Variants in AUTS2 observed in about 807,000 individuals in gnomAD.
AUTS2 encodes the protein autism susceptibility gene 2 protein.
AUTS2 carries 17 observed loss-of-function variants against 112.4 expected under a neutral mutation model. The observed-to-expected ratio is 0.15, with a 90% CI of 0.10 to 0.23. The LOEUF (loss-of-function observed/expected upper bound fraction) is 0.23. AUTS2 is among the 10% of genes least tolerant of loss of function. AUTS2 has a pLI of 1.00. For synonymous variants in AUTS2, 751 were observed against 702.7 expected, an observed-to-expected ratio of 1.07 and a Z score of -1.09; for missense variants, 1,510 against 1,701.6, an observed-to-expected ratio of 0.89 and a Z score of 1.98.
At chr7:70,517,619 A>C (rs918640079) in intron 5 of AUTS2, among the ~76,000 whole-genome samples, 1 of 148,988 alleles carries the variant, frequency 6.7e-6, no homozygotes, top group Non-Finnish European at 1.5e-5. Context: ...AATATATATA[A>C]TGTATTATTA....
intron 7 of AUTS2, among the ~76,000 whole-genome samples, chr7:70,764,205 C>T (rs1016755570): frequency 1.3e-5 from 2 of 152,136 alleles, no homozygotes; most frequent in African/African-American, 4.8e-5. Flanking sequence ...TTTCCTCCTT[C>T]CCCAAGGAGC....
intron 2 of AUTS2, among the ~76,000 whole-genome samples, chr7:70,095,459 T>G (rs1026059030): frequency 1.3e-5 from 2 of 152,178 alleles, no homozygotes; most frequent in African/African-American, 2.4e-5. Flanking sequence ...CTTGTTATTT[T>G]GGAGACATTT....
chr7:70,047,273 A>G (rs1223795246), intron 2 of AUTS2, among the ~76,000 whole-genome samples: 3 of 152,194 alleles, frequency 2.0e-5, no homozygotes, highest in East Asian at 3.8e-4. Context: ...CTTGGCTTTT[A>G]AAAGTTATTC....
intron 3 of AUTS2, among the ~76,000 whole-genome samples, chr7:70,127,660 G>A (rs1806050171): frequency 6.6e-6 from 1 of 152,138 alleles, no homozygotes; most frequent in Admixed American, 6.5e-5. Flanking sequence ...CCTTTCAAGG[G>A]TTCAGATCGT....
At chr7:70,700,518 C>T (rs936081811) in intron 6 of AUTS2, among the ~76,000 whole-genome samples, 4 of 152,150 alleles carry the variant, frequency 2.6e-5, no homozygotes, top group Non-Finnish European at 5.9e-5. Context: ...TGACAAGAGA[C>T]GGAATCAGTG....
At chr7:69,883,576 G>A (rs149326844) in intron 1 of AUTS2, among the ~76,000 whole-genome samples, 79 of 152,280 alleles carry the variant, frequency 5.2e-4, no homozygotes, top group African/African-American at 1.7e-3. Context: ...GAGCAGGGCC[G>A]ATGCCATCTT....
At chr7:69,604,713 A>C (rs1378246300) in intron 1 of AUTS2, among the ~76,000 whole-genome samples, 2 of 152,260 alleles carry the variant, frequency 1.3e-5, no homozygotes, top group Non-Finnish European at 2.9e-5. Flanking sequence ...AAATGAGTAC[A>C]AAGGTGGTAA....
chr7:69,866,303 T>C (rs1474784894), intron 1 of AUTS2, among the ~76,000 whole-genome samples: 5 of 152,188 alleles, frequency 3.3e-5, no homozygotes, highest in Non-Finnish European at 7.3e-5. Flanking sequence ...TGTCTTTTAC[T>C]AACTTTTCCT....
chr7:70,077,650 G>T (rs1278441320), intron 2 of AUTS2, among the ~76,000 whole-genome samples: 1 of 152,144 alleles, frequency 6.6e-6, no homozygotes, highest in Non-Finnish European at 1.5e-5. Flanking sequence ...TATACCTGGG[G>T]ATTCCTAGTA....
At chr7:70,071,299 T>C (rs747762754) in intron 2 of AUTS2, among the ~76,000 whole-genome samples, 4 of 152,082 alleles carry the variant, frequency 2.6e-5, no homozygotes, top group Non-Finnish European at 5.9e-5. Flanking sequence ...AAGAGAGTCT[T>C]CCATGCAGTC....
At chr7:69,771,664 A>G (rs933111599) in intron 1 of AUTS2, among the ~76,000 whole-genome samples, 3 of 152,156 alleles carry the variant, frequency 2.0e-5, no homozygotes, top group Non-Finnish European at 4.4e-5. Flanking sequence ...AGTAGACAAT[A>G]AGGCAGATTA....
chr7:70,491,435 C>CATATAT (rs1562989888), intron 5 of AUTS2, among the ~76,000 whole-genome samples: 25 of 120,108 alleles, frequency 2.1e-4, no homozygotes, highest in African/African-American at 5.4e-4. Context: ...CACACACACA[C>CATATAT]ACATATATAC....
Position 70,351,100 on chromosome 7 carries a change from G to C in AUTS2, c.661-84652G>C, listed in dbSNP as rs371373058. Among the ~76,000 whole-genome samples, 22 of 150,186 alleles carry C rather than the reference G, an allele frequency of 1.5e-4. No homozygotes were observed. The East Asian group carries it at 4.3e-3, about 29-fold the overall frequency. ...GAGTCTCGCTCTGTCACCCAGGCTGGAGTGCAATGGCACAATCTCGGCTCA... is the reference window on the plus strand; with the variant it reads ...GAGTCTCGCTCTGTCACCCAGGCTGCAGTGCAATGGCACAATCTCGGCTCA... On this transcript the variant is annotated intron_variant, in intron 4 of 18. Transcript: ENST00000342771.
At chr7:70,741,118 A>T (rs958271157) in intron 6 of AUTS2, among the ~76,000 whole-genome samples, 1 of 151,942 alleles carries the variant, frequency 6.6e-6, no homozygotes, top group Non-Finnish European at 1.5e-5. Flanking sequence ...ATAAAAAAAA[A>T]AAAGAAACTT....
intron 4 of AUTS2, among the ~76,000 whole-genome samples, chr7:70,255,218 G>A (rs556383737): frequency 6.6e-6 from 1 of 151,672 alleles, no homozygotes; most frequent in East Asian, 2.0e-4. Context: ...GGATTACAGG[G>A]ATGTGCCACC....
intron 2 of AUTS2, among the ~76,000 whole-genome samples, chr7:69,978,450 A>C (rs750949740): frequency 2.6e-5 from 4 of 152,246 alleles, no homozygotes; most frequent in Non-Finnish European, 4.4e-5. Flanking sequence ...TTCATGAGCT[A>C]TTCAATCCAA....
intron 5 of AUTS2, among the ~76,000 whole-genome samples, chr7:70,618,221 T>C (rs1007401473): frequency 6.6e-6 from 1 of 152,188 alleles, no homozygotes; most frequent in Admixed American, 6.5e-5. Context: ...CCGTGAGACC[T>C]GTAGAGAGGC....
At position 70,607,316 on chromosome 7, in the gene AUTS2, T is replaced by C. The variant is rs75230775; in HGVS notation, c.691-91253T>C. ...ATAAGTATGCCTCTCTGTGTTGGGA[T>C]ATATGATCAATTGAAGCCTCTGGGC... is the stretch of plus-strand genomic sequence containing the variant. On this transcript the variant is annotated intron_variant, in intron 5 of 18. Coordinates refer to ENST00000342771, the MANE Select transcript of AUTS2 (RefSeq NM_015570.4). 5.2e-3 allele frequency among the ~76,000 whole-genome samples: 788 copies of C among 152,284 alleles called. 8 individuals are homozygous for C. The highest frequency in any genetic ancestry group is 0.018 in the African/African-American group (746 of 41,558).
At chr7:70,723,253 G>A (rs1786805381) in intron 6 of AUTS2, among the ~76,000 whole-genome samples, 1 of 152,140 alleles carries the variant, frequency 6.6e-6, no homozygotes, top group African/African-American at 2.4e-5. Context: ...GGTTTTGTTT[G>A]TTTGTTTGTT....
Sources: allele counts gnomAD v4.1 joint callset (sites outside exome capture counted in the v4.1 genomes callset), GRCh38; gene constraint gnomAD v4.1.1; transcripts MANE v1.5; gene names NCBI Gene and HGNC (gene_info 2026-07-23, HGNC 2026-07-21).